Variants in LRRC4C observed in about 807,000 individuals in gnomAD.
The protein encoded by LRRC4C is leucine-rich repeat-containing protein 4C.
In LRRC4C, 5 loss-of-function variants were observed where a neutral mutation model predicts 33.6. The observed-to-expected ratio is 0.15, with a 90% confidence interval of 0.08 to 0.31. The LOEUF (loss-of-function observed/expected upper bound fraction) is 0.31, where lower values mean the gene tolerates loss of function less well. Ranked by LOEUF, LRRC4C falls within the 10% of genes least tolerant of loss-of-function variation. LRRC4C has a pLI of 1.00. For synonymous variants in LRRC4C, 329 were observed against 302.0 expected, an observed-to-expected ratio of 1.09 and a Z score of -0.93; for missense variants, 560 against 796.7, an observed-to-expected ratio of 0.70 and a Z score of 3.58.
At chr11:40,857,052 T>A (rs1338298913) in intron 2 of LRRC4C, among the ~76,000 whole-genome samples, 1 of 152,170 alleles carries the variant, frequency 6.6e-6, no homozygotes, top group Non-Finnish European at 1.5e-5. Context: ...GAAAAGTGAT[T>A]CCCAGCAAAT....
intron 1 of LRRC4C, among the ~76,000 whole-genome samples, chr11:41,138,597 A>C (rs1393220999): frequency 1.3e-5 from 2 of 152,234 alleles, no homozygotes; most frequent in Non-Finnish European, 2.9e-5. Flanking sequence ...CCTGGTAAAC[A>C]AAATATTTAT....
At chr11:40,493,310 T>C (rs534801727) in intron 3 of LRRC4C, among the ~76,000 whole-genome samples, 1 of 152,280 alleles carries the variant, frequency 6.6e-6, no homozygotes, top group East Asian at 1.9e-4. Flanking sequence ...GCTTTGTCTA[T>C]ACCTATTCCA....
chr11:40,935,476 T>C (rs370852620), intron 1 of LRRC4C, among the ~76,000 whole-genome samples: 1 of 152,160 alleles, frequency 6.6e-6, no homozygotes, highest in Non-Finnish European at 1.5e-5. Flanking sequence ...TATAATGTCA[T>C]ATTTTCACTG....
chr11:40,699,442 T>A lies in LRRC4C; in HGVS notation c.-406-51164A>T, dbSNP rs181025278. Among the ~76,000 whole-genome samples, 36 of 152,286 alleles carry A rather than the reference T, an allele frequency of 2.4e-4. No individual in the cohort carries two copies. In the East Asian group the frequency reaches 6.8e-3, roughly 29 times the overall value. On this transcript the variant is annotated intron_variant, in intron 2 of 6. Coordinates refer to ENST00000528697, the MANE Select transcript of LRRC4C (RefSeq NM_001258419.2). ...CTAACCCAGTTTATCATGTCTAACA[T>A]GTTTATTATGAGAATGAGGAAACAA... is the stretch of plus-strand genomic sequence containing the variant.
rs191116502 is a variant in LRRC4C at position 40,708,841 on chromosome 11, C to T, written c.-406-60563G>A. Among the ~76,000 whole-genome samples, 10 of 152,242 alleles carry T rather than the reference C, an allele frequency of 6.6e-5. No homozygotes were observed. The East Asian group carries it at 1.9e-3, about 30-fold the overall frequency. On this transcript the variant is annotated intron_variant, in intron 2 of 6. Transcript: ENST00000528697. ...TCTCCCATTATTATTGTGTGGGAGTCTAAGTCTCCTTGTAGCTCTCTCAGG... is the reference window on the plus strand; with the variant it reads ...TCTCCCATTATTATTGTGTGGGAGTTTAAGTCTCCTTGTAGCTCTCTCAGG...
At chr11:40,922,427 G>A (rs1017073261) in intron 2 of LRRC4C, among the ~76,000 whole-genome samples, 1 of 152,168 alleles carries the variant, frequency 6.6e-6, no homozygotes, top group Non-Finnish European at 1.5e-5. Context: ...GACGTTTATT[G>A]TAGAGGAAAA....
intron 2 of LRRC4C, among the ~76,000 whole-genome samples, chr11:40,729,292 T>C (rs555700260): frequency 6.6e-6 from 1 of 152,292 alleles, no homozygotes; most frequent in South Asian, 2.1e-4. Context: ...TATTTTACAG[T>C]CATTAGGTCA....
intron 2 of LRRC4C, among the ~76,000 whole-genome samples, chr11:40,824,624 T>C (rs983907117): frequency 1.3e-5 from 2 of 151,970 alleles, no homozygotes; most frequent in Non-Finnish European, 1.5e-5. Context: ...TTACAGACAT[T>C]ATTCATCATG....
At position 40,661,309 on chromosome 11, in the gene LRRC4C, T is replaced by C. The variant is rs74687500; in HGVS notation, c.-406-13031A>G. The stretch of plus-strand genomic sequence containing the variant: ...CAAAATTTGAGTTTAAACATACTTA[T>C]ATTATTGTATTTAGCTGTTCAAGTC... On this transcript the variant is annotated intron_variant, in intron 2 of 6. Transcript: ENST00000528697. Among the ~76,000 whole-genome samples, 518 of 152,236 alleles carry C rather than the reference T, an allele frequency of 3.4e-3. 16 individuals are homozygous for C. The East Asian group carries it at 0.057, about 17-fold the overall frequency.
intron 1 of LRRC4C, among the ~76,000 whole-genome samples, chr11:41,227,634 G>A (rs979782163): frequency 5.3e-5 from 8 of 152,094 alleles, no homozygotes; most frequent in Middle Eastern, 3.4e-3. Flanking sequence ...CAAGTAGCTG[G>A]GACTATAGCC....
chr11:41,073,957 T>C (rs74530744), intron 1 of LRRC4C, among the ~76,000 whole-genome samples: 83 of 152,324 alleles, frequency 5.4e-4, no homozygotes, highest in African/African-American at 1.9e-3. Context: ...TGCATTGTTT[T>C]AGTAACTATT....
At chr11:40,410,639 T>G (rs966607135) in intron 3 of LRRC4C, among the ~76,000 whole-genome samples, 2 of 152,114 alleles carry the variant, frequency 1.3e-5, no homozygotes, top group African/African-American at 4.8e-5. Flanking sequence ...GGTGTCTCCA[T>G]GATCTAAGTG....
At chr11:40,624,881 T>C (rs1962784312) in intron 3 of LRRC4C, among the ~76,000 whole-genome samples, 1 of 152,134 alleles carries the variant, frequency 6.6e-6, no homozygotes, top group Non-Finnish European at 1.5e-5. Flanking sequence ...TGTTTTCCTA[T>C]TTTAAAATAA....
chr11:40,772,164 C>T (rs916712818), intron 2 of LRRC4C, among the ~76,000 whole-genome samples: 6 of 152,118 alleles, frequency 3.9e-5, no homozygotes, highest in African/African-American at 1.2e-4. Flanking sequence ...ACTAGGGAGG[C>T]CTCAGGAAAC....
intron 3 of LRRC4C, among the ~76,000 whole-genome samples, chr11:40,455,513 TG>T (rs1471539467): frequency 6.6e-6 from 1 of 152,160 alleles, no homozygotes; most frequent in Non-Finnish European, 1.5e-5. Flanking sequence ...GAAGGTGAAA[TG>T]GGGGGCAGCT....
At chr11:41,363,565 T>C (rs1256424121) in intron 1 of LRRC4C, among the ~76,000 whole-genome samples, 3 of 152,216 alleles carry the variant, frequency 2.0e-5, no homozygotes, top group African/African-American at 7.2e-5. Context: ...ATCAAGTAGA[T>C]GATTTACTGT....
Position 40,241,615 on chromosome 11 carries a change from T to C in LRRC4C, c.-175-17A>G, listed in dbSNP as rs945180657. 1 of 152,072 alleles carries C rather than the reference T, an allele frequency of 6.6e-6. No homozygotes were observed. Among genetic ancestry groups the C allele is most frequent in the African/African-American group, 2.4e-5 (1 of 41,410 alleles). The allele number at this position is 152,072 out of a possible 1,614,324, so 9.4% of individuals were successfully genotyped here. A position where few individuals can be genotyped will look rare whatever the true frequency, so the allele number is the denominator to read the frequency against. On this transcript the variant is annotated splice_polypyrimidine_tract_variant and intron_variant, in intron 4 of 6. Transcript: ENST00000528697. ...TTTCTTGCTCTGCAAAATGAGGTGATTGAAACTAGATGATGTAAGAGTCCC... is the reference window on the plus strand; with the variant it reads ...TTTCTTGCTCTGCAAAATGAGGTGACTGAAACTAGATGATGTAAGAGTCCC...
chr11:40,449,742 A>T (rs1454264415), intron 3 of LRRC4C, among the ~76,000 whole-genome samples: 3 of 152,186 alleles, frequency 2.0e-5, no homozygotes, highest in African/African-American at 7.2e-5. Context: ...TTATAATGGC[A>T]TCCCTAGAGG....
At chr11:40,314,700 T>A (rs2136787833) in intron 4 of LRRC4C, among the ~76,000 whole-genome samples, 1 of 152,208 alleles carries the variant, frequency 6.6e-6, no homozygotes, top group Admixed American at 6.5e-5. Flanking sequence ...ATATACTCAA[T>A]AAAATACTAT....
Sources: allele counts gnomAD v4.1 joint callset (sites outside exome capture counted in the v4.1 genomes callset), GRCh38; gene constraint gnomAD v4.1.1; transcripts MANE v1.5; gene names NCBI Gene and HGNC (gene_info 2026-07-23, HGNC 2026-07-21).